FSTL5: variants seen among roughly 807,000 people sequenced by gnomAD.
The protein encoded by FSTL5 is follistatin-related protein 5.
In FSTL5, 62 loss-of-function variants were observed where a neutral mutation model predicts 89.1. The ratio of observed to expected loss-of-function variants is 0.70; its 90% confidence interval spans 0.57 to 0.86. The LOEUF is 0.86. Ranked by LOEUF, FSTL5 falls within the 40% of genes least tolerant of loss-of-function variation. The probability of loss-of-function intolerance (pLI) is 0.00; values close to 1 mark genes in which losing one functional copy is unlikely to be tolerated. For synonymous variants in FSTL5, 383 were observed against 346.2 expected (o/e 1.11, Z -1.18); for missense variants, 1,057 against 1,001.6 (o/e 1.06, Z -0.75).
intron 4 of FSTL5, among the ~76,000 whole-genome samples, chr4:161,814,785 C>G (rs1730272648): frequency 6.6e-6 from 1 of 152,074 alleles, no homozygotes; most frequent in Non-Finnish European, 1.5e-5. Context: ...AATATATACT[C>G]TATACTTTAT....
chr4:161,502,606 C>G (rs781668354), intron 11 of FSTL5, among the ~76,000 whole-genome samples: 21 of 151,782 alleles, frequency 1.4e-4, no homozygotes, highest in Non-Finnish European at 2.5e-4. Context: ...TGAAATAAAA[C>G]TTTTCCACTA....
intron 6 of FSTL5, among the ~76,000 whole-genome samples, chr4:161,697,795 A>G (rs1174022471): frequency 6.6e-6 from 1 of 152,198 alleles, no homozygotes; most frequent in Non-Finnish European, 1.5e-5. Context: ...GGAAGTCAAA[A>G]AAGTTGATCT....
chr4:162,121,491 A>C (rs1177285453), intron 1 of FSTL5, among the ~76,000 whole-genome samples: 1 of 152,050 alleles, frequency 6.6e-6, no homozygotes, highest in Non-Finnish European at 1.5e-5. Flanking sequence ...AAACTAAAAA[A>C]CATATTGTCT....
At chr4:161,663,031 T>G (rs898994158) in intron 6 of FSTL5, among the ~76,000 whole-genome samples, 1 of 152,056 alleles carries the variant, frequency 6.6e-6, no homozygotes, top group African/African-American at 2.4e-5. Context: ...TGAGACTTAC[T>G]CACTATCAAG....
chr4:161,579,287 G>A (rs956038705), intron 8 of FSTL5, among the ~76,000 whole-genome samples: 4 of 151,982 alleles, frequency 2.6e-5, no homozygotes, highest in Non-Finnish European at 4.4e-5. Context: ...GTTTCATATC[G>A]TATGTGTGGC....
At chr4:161,624,978 T>A (rs1342234898) in intron 7 of FSTL5, among the ~76,000 whole-genome samples, 2 of 152,124 alleles carry the variant, frequency 1.3e-5, no homozygotes, top group African/African-American at 4.8e-5. Context: ...TTGTCCAGCA[T>A]CAACAGCAGC....
chr4:161,779,758 G>GTT (rs1741553271), intron 4 of FSTL5, among the ~76,000 whole-genome samples: 1 of 24,046 alleles, frequency 4.2e-5, no homozygotes, highest in East Asian at 1.2e-3. Flanking sequence ...TATTTGTAAA[G>GTT]TTATATATAT....
At chr4:161,779,795 A>ATGTATATATATATGTG (rs1560840929) in intron 4 of FSTL5, among the ~76,000 whole-genome samples, 1 of 52,994 alleles carries the variant, frequency 1.9e-5, no homozygotes, top group Non-Finnish European at 3.1e-5. Context: ...ATATATATAT[A>ATGTATATATATATGTG]TATATATATA....
chr4:162,148,835 T>A (rs1191845832), intron 1 of FSTL5, among the ~76,000 whole-genome samples: 2 of 152,206 alleles, frequency 1.3e-5, no homozygotes, highest in African/African-American at 4.8e-5. Flanking sequence ...GAATGCAGCA[T>A]CTATAATTCT....
At chr4:161,554,432 T>G (rs1002890406) in intron 8 of FSTL5, among the ~76,000 whole-genome samples, 2 of 151,532 alleles carry the variant, frequency 1.3e-5, no homozygotes, top group Non-Finnish European at 1.5e-5. Context: ...CTTACTTTTT[T>G]CTCATTCTTC....
At chr4:161,746,624 T>C (rs1043651589) in intron 6 of FSTL5, among the ~76,000 whole-genome samples, 5 of 152,202 alleles carry the variant, frequency 3.3e-5, no homozygotes, top group African/African-American at 1.2e-4. Context: ...AAAATACCAC[T>C]GATTGCACTA....
chr4:161,940,219 G>A (rs952718896), intron 3 of FSTL5, among the ~76,000 whole-genome samples: 2 of 151,716 alleles, frequency 1.3e-5, no homozygotes, highest in African/African-American at 4.8e-5. Flanking sequence ...TTGAAGGTAA[G>A]TCAATTGTAA....
At chr4:162,086,342 A>T (rs1730316931) in intron 2 of FSTL5, among the ~76,000 whole-genome samples, 1 of 149,120 alleles carries the variant, frequency 6.7e-6, no homozygotes, top group African/African-American at 2.5e-5. Flanking sequence ...TCTTTATTTC[A>T]TTCTCTTCCT....
intron 7 of FSTL5, among the ~76,000 whole-genome samples, chr4:161,625,660 C>G (rs1735291643): frequency 6.6e-6 from 1 of 152,040 alleles, no homozygotes; most frequent in African/African-American, 2.4e-5. Flanking sequence ...TCACACACCT[C>G]TCATTTTAAA....
rs554230905 is a variant in FSTL5, at chr4:161,628,730, C to T, written c.894+27598G>A. The stretch of plus-strand genomic sequence containing the variant: ...TTGGTAATTTATTCCTTTTAACTTC[C>T]TATCAGGTTGGCCCTGCCAATCTTA... On this transcript the variant is annotated intron_variant, in intron 7 of 15. Transcript: ENST00000306100. 7.2e-5 allele frequency among the ~76,000 whole-genome samples: 11 copies of T among 152,236 alleles called. 1 individual carries two copies. The South Asian group carries it at 2.3e-3, about 32-fold the overall frequency.
At chr4:161,605,166 TA>T (rs1223306666) in intron 7 of FSTL5, among the ~76,000 whole-genome samples, 1 of 152,092 alleles carries the variant, frequency 6.6e-6, no homozygotes, top group African/African-American at 2.4e-5. Context: ...ATACAGAAAA[TA>T]AATTCAGAAG....
At chr4:161,975,810 T>TA (rs1160604538) in intron 3 of FSTL5, among the ~76,000 whole-genome samples, 55 of 141,682 alleles carry the variant, frequency 3.9e-4, no homozygotes, top group Non-Finnish European at 6.3e-4. Flanking sequence ...AAAAAATAAA[T>TA]AAAAAAAAGA....
rs146260064 is a variant in FSTL5, at chr4:162,078,783, C to T, written c.126+32488G>A. Among the ~76,000 whole-genome samples, 110 of 151,812 alleles carry T rather than the reference C, an allele frequency of 7.2e-4. 1 individual carries two copies. Among genetic ancestry groups the T allele is most frequent in the African/African-American group, 2.6e-3 (108 of 41,508 alleles). On this transcript the variant is annotated intron_variant, in intron 2 of 15. Coordinates refer to ENST00000306100, the MANE Select transcript of FSTL5 (RefSeq NM_020116.5). ...AAACTGACTATGAGTGTCAAGGGAACCAAGTCACAGGCACAAAACATCTGT... is the reference window on the plus strand; with the variant it reads ...AAACTGACTATGAGTGTCAAGGGAATCAAGTCACAGGCACAAAACATCTGT...
At chr4:161,596,928 T>C (rs1382108655) in intron 7 of FSTL5, among the ~76,000 whole-genome samples, 8 of 152,144 alleles carry the variant, frequency 5.3e-5, no homozygotes, top group Non-Finnish European at 1.2e-4. Context: ...TTCTGGATAT[T>C]AGCCCTTTGT....
Sources: gnomAD v4.1 joint callset for allele counts (sites outside exome capture counted in the v4.1 genomes callset) on GRCh38, gnomAD v4.1.1 for gene constraint, MANE v1.5 for transcripts, NCBI Gene and HGNC (gene_info 2026-07-23, HGNC 2026-07-21) for gene names.